Variants in RORA observed in about 807,000 individuals in gnomAD.
RORA encodes the protein nuclear receptor ROR-alpha.
RORA carries 7 observed loss-of-function variants against 69.5 expected under a neutral mutation model. The observed-to-expected ratio is 0.10, with a 90% confidence interval of 0.06 to 0.19. The LOEUF (loss-of-function observed/expected upper bound fraction) is 0.19. Ranked by LOEUF, RORA falls within the 10% of genes least tolerant of loss-of-function variation. The probability of loss-of-function intolerance (pLI) is 1.00; values close to 1 mark genes in which losing one functional copy is unlikely to be tolerated. For missense variants in RORA, 457 were observed against 663.0 expected (o/e 0.69, Z 3.41); for synonymous variants, 261 against 240.8 (o/e 1.08, Z -0.78).
intron 2 of RORA, among the ~76,000 whole-genome samples, chr15:60,608,686 C>G (rs143219785): frequency 7.2e-5 from 11 of 152,234 alleles, no homozygotes; most frequent in African/African-American, 2.6e-4. Flanking sequence ...TTTATTTCTT[C>G]TTCAGAAGAT....
At chr15:60,903,770 G>A (rs375954027) in intron 1 of RORA, among the ~76,000 whole-genome samples, 4 of 152,156 alleles carry the variant, frequency 2.6e-5, no homozygotes, top group East Asian at 1.9e-4. Context: ...ATGCAAAATC[G>A]GAGGTCGGTC....
At chr15:60,587,543 C>T (rs537565938) in intron 2 of RORA, among the ~76,000 whole-genome samples, 1 of 152,254 alleles carries the variant, frequency 6.6e-6, no homozygotes, top group East Asian at 1.9e-4. Flanking sequence ...TCAGTTTCTT[C>T]ATCAGTCACT....
At chr15:61,121,014 AT>A (rs1321483155) in intron 1 of RORA, among the ~76,000 whole-genome samples, 1 of 151,274 alleles carries the variant, frequency 6.6e-6, no homozygotes, top group African/African-American at 2.4e-5. Flanking sequence ...CACCCGGCTA[AT>A]TTTTTTGTAT....
intron 1 of RORA, among the ~76,000 whole-genome samples, chr15:60,884,255 G>C (rs1395742738): frequency 6.6e-6 from 1 of 152,124 alleles, no homozygotes; most frequent in African/African-American, 2.4e-5. Flanking sequence ...ACAGACATGA[G>C]AGGCTAGCTT....
chr15:60,906,962 C>G (rs1891560213), intron 1 of RORA, among the ~76,000 whole-genome samples: 1 of 152,062 alleles, frequency 6.6e-6, no homozygotes, highest in South Asian at 2.1e-4. Flanking sequence ...TATTTTAAAA[C>G]CAAGGAAACT....
At chr15:60,752,621 A>T (rs1018670279) in intron 1 of RORA, among the ~76,000 whole-genome samples, 2 of 77,382 alleles carry the variant, frequency 2.6e-5, no homozygotes, top group Admixed American at 1.6e-4. Context: ...TGCTCCCCCC[A>T]CCCCCACCCG....
At chr15:60,864,795 C>T (rs564030985) in intron 1 of RORA, among the ~76,000 whole-genome samples, 1 of 152,330 alleles carries the variant, frequency 6.6e-6, no homozygotes, top group African/African-American at 2.4e-5. Flanking sequence ...GGGTGGGCAT[C>T]TCAGTGCCAG....
intron 1 of RORA, among the ~76,000 whole-genome samples, chr15:61,158,888 A>G (rs2079469437): frequency 6.6e-6 from 1 of 152,236 alleles, no homozygotes; most frequent in Non-Finnish European, 1.5e-5. Flanking sequence ...GGAAAAGTAC[A>G]TTGGGAATAT....
intron 3 of RORA, among the ~76,000 whole-genome samples, chr15:60,524,979 A>G (rs1051754128): frequency 2.0e-5 from 3 of 152,200 alleles, no homozygotes; most frequent in Admixed American, 2.0e-4. Flanking sequence ...TCCTAGGTGT[A>G]TCTTATTCCA....
At chr15:60,765,669 C>A (rs979466821) in intron 1 of RORA, 7 of 152,260 alleles carry the variant, frequency 4.6e-5, no homozygotes, top group African/African-American at 1.4e-4. Flanking sequence ...TTCCACTTTC[C>A]TCCTCACTGC....
At chr15:60,936,493 T>C (rs77821679) in intron 1 of RORA, among the ~76,000 whole-genome samples, 4,681 of 152,316 alleles carry the variant, frequency 0.031, 257 homozygotes, top group African/African-American at 0.11. Context: ...AGTGTCCACC[T>C]TCTTTGTCCA....
intron 1 of RORA, among the ~76,000 whole-genome samples, chr15:60,841,690 C>A (rs1291898652): frequency 6.6e-6 from 1 of 152,222 alleles, no homozygotes; most frequent in African/African-American, 2.4e-5. Context: ...GGAGCCAACA[C>A]CCCTCCACAC....
intron 1 of RORA, among the ~76,000 whole-genome samples, chr15:61,200,849 C>G (rs1423334881): frequency 6.6e-6 from 1 of 152,162 alleles, no homozygotes; most frequent in Non-Finnish European, 1.5e-5. Flanking sequence ...GTAGTCAACA[C>G]TTATCATCCA....
chr15:60,523,056 A>C (rs1272206085), intron 3 of RORA, among the ~76,000 whole-genome samples: 2 of 152,004 alleles, frequency 1.3e-5, no homozygotes. Context: ...AACACAAAAA[A>C]AAAAACTGAT....
At chr15:60,882,636 TACACACACACACACAC>T (rs67057464) in intron 1 of RORA, among the ~76,000 whole-genome samples, 3 of 147,606 alleles carry the variant, frequency 2.0e-5, no homozygotes, top group African/African-American at 7.6e-5. Context: ...GGAGCTTAAC[TACACACACACACACAC>T]ACACACACAC....
At chr15:61,095,890 C>T (rs1196037333) in intron 1 of RORA, among the ~76,000 whole-genome samples, 1 of 152,190 alleles carries the variant, frequency 6.6e-6, no homozygotes, top group East Asian at 1.9e-4. Context: ...CAAACTGGCC[C>T]ATCTTTTCTA....
In RORA at chr15:60,491,974, C is replaced by G. The variant is rs1402256508; in HGVS notation, c.*5481G>C. On this transcript the variant is annotated 3_prime_UTR_variant, in exon 11 of 11. Coordinates refer to ENST00000335670, the MANE Select transcript of RORA (RefSeq NM_134261.3). ...AATATAAAGTTGTTTTCATGGGGTT[C>G]TATATCATAACTTTATAAGAAGTGG... The G allele has an allele frequency of 2.7e-5, 4 of 150,900 alleles. No individual in the cohort carries two copies. Among genetic ancestry groups the G allele is most frequent in the African/African-American group, 7.3e-5 (3 of 40,986 alleles). 9.3% of individuals were successfully genotyped at this position (150,900 alleles called of 1,614,324 possible).
intron 1 of RORA, among the ~76,000 whole-genome samples, chr15:60,976,149 C>G (rs916269014): frequency 6.6e-6 from 1 of 152,144 alleles, no homozygotes; most frequent in Non-Finnish European, 1.5e-5. Context: ...ATTGCTGAGC[C>G]GTGGCTCGGA....
intron 2 of RORA, chr15:60,614,838 G>T: frequency 7.2e-7 from 1 of 1,391,122 alleles, no homozygotes; most frequent in Admixed American, 1.7e-5. Flanking sequence ...GACAGACACT[G>T]ACATGCTTAC....
Sources: allele counts gnomAD v4.1 joint callset (sites outside exome capture counted in the v4.1 genomes callset), GRCh38; gene constraint gnomAD v4.1.1; transcripts MANE v1.5; gene names NCBI Gene and HGNC (gene_info 2026-07-23, HGNC 2026-07-21).